MAGI2: variants seen among roughly 807,000 people sequenced by gnomAD.
MAGI2 encodes the protein membrane-associated guanylate kinase, WW and PDZ domain-containing protein 2.
In MAGI2, 35 loss-of-function variants were observed where a neutral mutation model predicts 133.3. The ratio of observed to expected loss-of-function variants is 0.26; its 90% CI spans 0.20 to 0.35. The LOEUF is 0.35. Ranked by LOEUF, MAGI2 falls within the 10% of genes least tolerant of loss-of-function variation. The pLI is 1.00. For missense variants in MAGI2, 1,636 were observed against 1,863.4 expected (o/e 0.88, Z 2.25); for synonymous variants, 729 against 710.6 (o/e 1.03, Z -0.41).
intron 21 of MAGI2, among the ~76,000 whole-genome samples, chr7:78,074,349 T>A (rs1306152104): frequency 6.6e-6 from 1 of 152,192 alleles, no homozygotes; most frequent in Non-Finnish European, 1.5e-5. Flanking sequence ...GAACTCAGAG[T>A]GAGAAATTTT....
chr7:79,264,019 T>C (rs2129556657), intron 1 of MAGI2, among the ~76,000 whole-genome samples: 1 of 152,300 alleles, frequency 6.6e-6, no homozygotes, highest in African/African-American at 2.4e-5. Flanking sequence ...ATATATGTGA[T>C]TTAAAATTTT....
At position 78,489,558 on chromosome 7, in the gene MAGI2, A is replaced by G. The variant is rs370796523; in HGVS notation, c.1045+203T>C. Reference sequence around the variant, plus strand: ...AGATGACAGAGATGTGATATTCAGCACAGTCTCCTCAGAGAGAAAAAGCAA... The same window carrying G: ...AGATGACAGAGATGTGATATTCAGCGCAGTCTCCTCAGAGAGAAAAAGCAA... On this transcript the variant is annotated intron_variant, in intron 6 of 21. Coordinates refer to ENST00000354212, the MANE Select transcript of MAGI2 (RefSeq NM_012301.4). Among the ~76,000 whole-genome samples the G allele has an allele frequency of 5.3e-5, 8 of 152,104 alleles. No homozygotes were observed. In the East Asian group the frequency reaches 1.4e-3, roughly 26 times the overall value.
intron 20 of MAGI2, among the ~76,000 whole-genome samples, chr7:78,100,571 C>T (rs946794029): frequency 1.3e-5 from 2 of 152,010 alleles, no homozygotes; most frequent in Non-Finnish European, 2.9e-5. Flanking sequence ...AGGCTGGTCT[C>T]AAACTCCTGG....
chr7:78,814,068 T>A (rs1789337796), intron 2 of MAGI2, among the ~76,000 whole-genome samples: 1 of 152,178 alleles, frequency 6.6e-6, no homozygotes, highest in South Asian at 2.1e-4. Context: ...TTGGATGTTA[T>A]TGTCTTTATA....
intron 1 of MAGI2, among the ~76,000 whole-genome samples, chr7:79,060,359 A>T (rs567615053): frequency 1.4e-4 from 21 of 152,070 alleles, no homozygotes; most frequent in Non-Finnish European, 2.8e-4. Flanking sequence ...TATTTTTTTA[A>T]AAAAAAACTT....
chr7:78,892,097 A>T (rs1796812299), intron 2 of MAGI2, among the ~76,000 whole-genome samples: 1 of 152,208 alleles, frequency 6.6e-6, no homozygotes, highest in Admixed American at 6.5e-5. Flanking sequence ...AGACAAACAG[A>T]GAGCCAAATC....
intron 3 of MAGI2, among the ~76,000 whole-genome samples, chr7:78,603,304 G>A (rs1478015903): frequency 1.3e-5 from 2 of 152,154 alleles, no homozygotes; most frequent in African/African-American, 4.8e-5. Flanking sequence ...GAGAGGAGAT[G>A]TCCTAATACA....
chr7:78,724,608 T>C (rs781776046), intron 2 of MAGI2, among the ~76,000 whole-genome samples: 3 of 152,158 alleles, frequency 2.0e-5, no homozygotes, highest in Non-Finnish European at 2.9e-5. Flanking sequence ...TTGCTCCTGT[T>C]GAGGAGGAAG....
At chr7:79,138,965 G>C (rs1821864378) in intron 1 of MAGI2, among the ~76,000 whole-genome samples, 1 of 112,866 alleles carries the variant, frequency 8.9e-6, no homozygotes. Context: ...GACAGAGACA[G>C]ACTCTTGTCT....
At chr7:78,650,876 A>C (rs1164164092) in intron 2 of MAGI2, among the ~76,000 whole-genome samples, 1 of 152,184 alleles carries the variant, frequency 6.6e-6, no homozygotes, top group Non-Finnish European at 1.5e-5. Flanking sequence ...ACAGCATGCA[A>C]TAGTCACTTT....
chr7:78,652,106 GT>G (rs1811639442), intron 2 of MAGI2, among the ~76,000 whole-genome samples: 1 of 152,108 alleles, frequency 6.6e-6, no homozygotes, highest in African/African-American at 2.4e-5. Flanking sequence ...ATTGTTCCAG[GT>G]AATGGGGAGA....
chr7:78,381,292 A>T (rs964109480), intron 6 of MAGI2, among the ~76,000 whole-genome samples: 6 of 152,152 alleles, frequency 3.9e-5, no homozygotes, highest in Non-Finnish European at 8.8e-5. Flanking sequence ...AATTGCAGTG[A>T]GTTGAGATCG....
chr7:78,331,875 T>A (rs570193887), intron 9 of MAGI2, among the ~76,000 whole-genome samples: 26 of 152,354 alleles, frequency 1.7e-4, no homozygotes, highest in African/African-American at 5.8e-4. Context: ...TATAAATATT[T>A]TGTGCAGAAT....
chr7:79,091,134 G>A (rs1817010883), intron 1 of MAGI2, among the ~76,000 whole-genome samples: 1 of 151,836 alleles, frequency 6.6e-6, no homozygotes, highest in Non-Finnish European at 1.5e-5. Flanking sequence ...GACCACATTT[G>A]CTAACTCTTA....
chr7:78,697,345 G>A (rs557011373), intron 2 of MAGI2, among the ~76,000 whole-genome samples: 1 of 152,218 alleles, frequency 6.6e-6, no homozygotes, highest in African/African-American at 2.4e-5. Context: ...TTCTCAGTCT[G>A]CTTTCTCATT....
At chr7:78,339,217 A>G (rs995294983) in intron 9 of MAGI2, among the ~76,000 whole-genome samples, 6 of 152,230 alleles carry the variant, frequency 3.9e-5, no homozygotes. Context: ...GTTCATAGTC[A>G]TTGAAGGCTC....
chr7:79,365,742 C>T (rs1842656906), intron 1 of MAGI2, among the ~76,000 whole-genome samples: 2 of 151,454 alleles, frequency 1.3e-5, no homozygotes, highest in African/African-American at 4.9e-5. Flanking sequence ...TGCCTGTAAT[C>T]CCAGCTACTC....
In MAGI2 at chr7:78,664,886, TA is replaced by T. The variant is rs1194866381; in HGVS notation, c.419-37648del. On this transcript the variant is annotated intron_variant, in intron 2 of 21. Coordinates refer to ENST00000354212, the MANE Select transcript of MAGI2 (RefSeq NM_012301.4). ...TATTAATTCTCATAGTAAAAAATACTAAAAAACAAAACAATCACTCATGATT... is the reference window on the plus strand; with the variant it reads ...TATTAATTCTCATAGTAAAAAATACTAAAAACAAAACAATCACTCATGATT... Among the ~76,000 whole-genome samples, 3 of 152,016 alleles carry T rather than the reference TA, an allele frequency of 2.0e-5. No individual in the cohort carries two copies. In the East Asian group the frequency reaches 5.8e-4, roughly 29 times the overall value.
chr7:79,340,749 T>C (rs148260969), intron 1 of MAGI2, among the ~76,000 whole-genome samples: 1 of 152,196 alleles, frequency 6.6e-6, no homozygotes, highest in African/African-American at 2.4e-5. Context: ...GGGGTGTGTA[T>C]GTGTGAACGT....
Sources: gnomAD v4.1 joint callset for allele counts (sites outside exome capture counted in the v4.1 genomes callset) on GRCh38, gnomAD v4.1.1 for gene constraint, MANE v1.5 for transcripts, NCBI Gene and HGNC (gene_info 2026-07-23, HGNC 2026-07-21) for gene names.